The following ATG7 variants were observed in gnomAD, a reference collection of about 807,000 sequenced individuals.
The protein encoded by ATG7 is ubiquitin-like modifier-activating enzyme ATG7.
In ATG7, 70 loss-of-function variants were observed where a neutral mutation model predicts 82.4. That is an observed-to-expected ratio of 0.85 (90% confidence interval 0.70 to 1.04). The LOEUF (loss-of-function observed/expected upper bound fraction) is 1.04, where lower values mean the gene tolerates loss of function less well. Ranked by LOEUF, ATG7 falls within the 50% of genes least tolerant of loss-of-function variation. The pLI is 0.00. For missense variants in ATG7, 792 were observed against 864.3 expected (o/e 0.92, Z 1.05); for synonymous variants, 287 against 313.0 (o/e 0.92, Z 0.88).
chr3:11,506,180 A>G (rs948798674), intron 20 of ATG7, among the ~76,000 whole-genome samples: 6 of 152,190 alleles, frequency 3.9e-5, no homozygotes, highest in African/African-American at 1.4e-4. Context: ...TAGTTAAGGT[A>G]TAGGCTAAGG....
intron 5 of ATG7, chr3:11,304,671 T>G (rs1378750853): frequency 6.6e-6 from 1 of 152,224 alleles, no homozygotes; most frequent in Non-Finnish European, 1.5e-5. Context: ...GTCATCGCTG[T>G]GAGACTGAAT....
Position 11,362,799 on chromosome 3 carries a change from T to C in ATG7, c.1684-14T>C. 1 of 1,611,460 alleles carries C rather than the reference T, an allele frequency of 6.2e-7. No individual in the cohort carries two copies. Among genetic ancestry groups the C allele is most frequent in the Non-Finnish European group, 8.5e-7 (1 of 1,177,872 alleles). On this transcript the variant is annotated splice_polypyrimidine_tract_variant and intron_variant, in intron 16 of 20. Coordinates refer to ENST00000693202, the MANE Select transcript of ATG7 (RefSeq NM_001349232.2). ...TAGAACGTTCTGCACACACCAATGA[T>C]TGTTTCTTTGCAGTCAACCAGAGAC...
At chr3:11,299,232 CATAG>C in intron 4 of ATG7, 126 bp from the exon 5 acceptor site, 1 of 823,492 alleles carries the variant, frequency 1.2e-6, no homozygotes, top group South Asian at 1.5e-5. Context: ...ATCTATGTAG[CATAG>C]ATAATCAGAA....
chr3:11,334,773 T>A (rs2606745), intron 11 of ATG7, among the ~76,000 whole-genome samples: 1 of 150,912 alleles, frequency 6.6e-6, no homozygotes, highest in Non-Finnish European at 1.5e-5. Context: ...GCCTGGCCGA[T>A]ATGGCGAAAC....
chr3:11,406,669 G>A (rs2080372855), intron 19 of ATG7, among the ~76,000 whole-genome samples: 1 of 152,180 alleles, frequency 6.6e-6, no homozygotes, highest in South Asian at 2.1e-4. Context: ...GGCTGGGGAG[G>A]CCTCACAATC....
At chr3:11,568,356 C>G in the ATG7 span, among the ~76,000 whole-genome samples, 1 of 152,220 alleles carries the variant, frequency 6.6e-6, no homozygotes, top group African/African-American at 2.4e-5. This position sits in a 1 kb window ranked among gnomAD's most constrained non-coding sequence, Gnocchi z 5.9. Context: ...GGGCCGCCAG[C>G]TGCCAGGGCA....
chr3:11,534,984 T>C (rs1054363801), intron 20 of ATG7, among the ~76,000 whole-genome samples: 4 of 152,258 alleles, frequency 2.6e-5, no homozygotes, highest in Non-Finnish European at 4.4e-5. Context: ...GTGCTCATCT[T>C]GCACATTCTC....
At chr3:11,455,059 T>C (rs901924283) in intron 20 of ATG7, among the ~76,000 whole-genome samples, 3 of 152,220 alleles carry the variant, frequency 2.0e-5, no homozygotes, top group African/African-American at 7.2e-5. Flanking sequence ...TATTTACATA[T>C]AAATTCTAAT....
intron 20 of ATG7, chr3:11,510,255 C>G (rs986965675): frequency 1.5e-5 from 7 of 456,544 alleles, no homozygotes; most frequent in Non-Finnish European, 2.6e-5. Context: ...ACTCAGGAGT[C>G]GGCTGCCTGT....
intron 18 of ATG7, among the ~76,000 whole-genome samples, chr3:11,371,229 T>G (rs974653231): frequency 2.0e-5 from 3 of 151,166 alleles, no homozygotes; most frequent in African/African-American, 7.3e-5. Flanking sequence ...AACATTTGTT[T>G]ATTTGAAAGG....
intron 20 of ATG7, among the ~76,000 whole-genome samples, chr3:11,510,652 T>G (rs1423318133): frequency 6.6e-6 from 1 of 152,198 alleles, no homozygotes; most frequent in Non-Finnish European, 1.5e-5. Context: ...CTTTACATCC[T>G]CTTCCCAGGG....
intron 19 of ATG7, among the ~76,000 whole-genome samples, chr3:11,399,237 A>G (rs2079582723): frequency 6.6e-6 from 1 of 152,160 alleles, no homozygotes; most frequent in Non-Finnish European, 1.5e-5. Context: ...AGTCCCAGCT[A>G]CTCAGGAGGC....
intron 20 of ATG7, among the ~76,000 whole-genome samples, chr3:11,441,431 A>T (rs1433587758): frequency 6.6e-6 from 1 of 151,936 alleles, no homozygotes; most frequent in Non-Finnish European, 1.5e-5. Context: ...TTTAGTAGAG[A>T]CAAGGTTTCA....
intron 20 of ATG7, among the ~76,000 whole-genome samples, chr3:11,454,511 G>C (rs756570974): frequency 2.0e-5 from 3 of 152,218 alleles, no homozygotes; most frequent in Admixed American, 6.5e-5. Context: ...ATGGAAGAGA[G>C]CTGAGCCTGG....
chr3:11,410,046 G>T (rs983583792), intron 19 of ATG7, among the ~76,000 whole-genome samples: 3 of 152,062 alleles, frequency 2.0e-5, no homozygotes, highest in Non-Finnish European at 4.4e-5. Flanking sequence ...TGGCTTATCT[G>T]GGTCTTTTGC....
rs2072267310 is a variant in ATG7, at chr3:11,554,997, C to T, written c.*154C>T. 6.4e-6 allele frequency: 6 copies of T among 942,578 alleles called. No individual in the cohort carries two copies. Among genetic ancestry groups the T allele is most frequent in the Non-Finnish European group, 9.2e-6 (6 of 652,684 alleles). 58.4% of individuals were successfully genotyped at this position (942,578 alleles called of 1,614,324 possible). A position where few individuals can be genotyped will look rare whatever the true frequency, so the allele number is the denominator to read the frequency against. On this transcript the variant is annotated 3_prime_UTR_variant, in exon 21 of 21. Coordinates refer to ENST00000693202, the MANE Select transcript of ATG7 (RefSeq NM_001349232.2). ...CCCCCCTCTGCTGCCCAGGAGTGGC[C>T]AGTGTTCGGCGTTGCTCGGGATTCA...
At chr3:11,573,344 A>C in the ATG7 span, among the ~76,000 whole-genome samples, 4 of 99,690 alleles carry the variant, frequency 4.0e-5, no homozygotes, top group African/African-American at 1.4e-4. Context: ...AGAAAGAAAG[A>C]AAGAAAGAAA....
At chr3:11,481,247 C>T (rs1335904983) in intron 20 of ATG7, among the ~76,000 whole-genome samples, 3 of 152,278 alleles carry the variant, frequency 2.0e-5, no homozygotes, top group African/African-American at 2.4e-5. Flanking sequence ...ATGGTGGTGA[C>T]GGTTGCACAA....
chr3:11,564,765 T>TC, the ATG7 span: 1 of 1,527,842 alleles, frequency 6.5e-7, no homozygotes, highest in Non-Finnish European at 8.7e-7. Flanking sequence ...GCCCCTGGAC[T>TC]CCCCACGCCA....
Sources: gnomAD v4.1 joint callset for allele counts (sites outside exome capture counted in the v4.1 genomes callset) on GRCh38, gnomAD v4.1.1 for gene constraint, Gnocchi (gnomAD v3.1) non-coding constraint, MANE v1.5 for transcripts, NCBI Gene and HGNC (gene_info 2026-07-23, HGNC 2026-07-21) for gene names.